Variants in PRR5L observed in about 807,000 individuals in gnomAD.
The protein encoded by PRR5L is proline rich 5 like, also known as proline-rich protein 5-like.
In PRR5L, 21 loss-of-function variants were observed where a neutral mutation model predicts 36.4. The ratio of observed to expected loss-of-function variants is 0.58; its 90% CI spans 0.41 to 0.83. The LOEUF is 0.83. Ranked by LOEUF, PRR5L falls within the 40% of genes least tolerant of loss-of-function variation. PRR5L has a pLI of 0.00. For missense variants in PRR5L, 381 were observed against 473.3 expected, an observed-to-expected ratio of 0.80 and a Z score of 1.81; for synonymous variants, 188 against 197.0, an observed-to-expected ratio of 0.95 and a Z score of 0.38.
chr11:36,354,990 T>G (rs1050417739), intron 1 of PRR5L, among the ~76,000 whole-genome samples: 2 of 152,208 alleles, frequency 1.3e-5, no homozygotes, highest in Non-Finnish European at 2.9e-5. Context: ...GAGAAAATGC[T>G]GCTTGGAGAT....
chr11:36,356,277 A>G (rs985273055), intron 1 of PRR5L, among the ~76,000 whole-genome samples: 2 of 152,148 alleles, frequency 1.3e-5, no homozygotes, highest in African/African-American at 4.8e-5. Context: ...CTAGTAGGGA[A>G]GCATGATCAT....
At chr11:36,451,164 G>T in intron 7 of PRR5L, 45 bp from the exon 8 acceptor site, 1 of 1,607,474 alleles carries the variant, frequency 6.2e-7, no homozygotes. Flanking sequence ...GCTGGTCATG[G>T]CAATGAACAC....
At chr11:36,417,711 CTTAA>C (rs1858176242) in intron 3 of PRR5L, among the ~76,000 whole-genome samples, 1 of 152,176 alleles carries the variant, frequency 6.6e-6, no homozygotes, top group Admixed American at 6.5e-5. Context: ...ATTCTTTTGT[CTTAA>C]TTTTATTGTG....
chr11:36,383,357 T>G (rs538667080), intron 1 of PRR5L, among the ~76,000 whole-genome samples: 3 of 152,334 alleles, frequency 2.0e-5, no homozygotes, highest in Non-Finnish European at 2.9e-5. Context: ...AGTCAACAGC[T>G]GTGTACATTT....
intron 1 of PRR5L, among the ~76,000 whole-genome samples, chr11:36,319,779 C>G (rs1590437595): frequency 6.6e-6 from 1 of 150,868 alleles, no homozygotes; most frequent in Admixed American, 6.6e-5. Flanking sequence ...AGGTTGTGGA[C>G]AATGGAAATC....
intron 1 of PRR5L, among the ~76,000 whole-genome samples, chr11:36,343,475 C>T (rs1856835695): frequency 6.6e-6 from 1 of 152,176 alleles, no homozygotes; most frequent in African/African-American, 2.4e-5. Context: ...CTTGGGGACC[C>T]TTTCATGCAA....
intron 1 of PRR5L, among the ~76,000 whole-genome samples, chr11:36,314,575 C>T: frequency 6.6e-6 from 1 of 152,218 alleles, no homozygotes; most frequent in East Asian, 1.9e-4. Context: ...GCCCTTTGCT[C>T]CATAGCAGCC....
chr11:36,350,226 TG>T (rs1240836801), intron 1 of PRR5L, among the ~76,000 whole-genome samples: 1 of 135,456 alleles, frequency 7.4e-6, no homozygotes, highest in Non-Finnish European at 1.6e-5. Context: ...TGGGTGTGTG[TG>T]GGGGGTATAA....
intron 3 of PRR5L, among the ~76,000 whole-genome samples, chr11:36,406,014 C>T (rs146018062): frequency 1.3e-5 from 2 of 152,156 alleles, no homozygotes; most frequent in African/African-American, 4.8e-5. Context: ...TGGGGGGACT[C>T]ATAGCAACAC....
chr11:36,433,589 GC>G (rs1376256436), intron 5 of PRR5L, among the ~76,000 whole-genome samples: 2 of 152,114 alleles, frequency 1.3e-5, no homozygotes, highest in Non-Finnish European at 2.9e-5. Flanking sequence ...CACTTCTGTG[GC>G]CCAGGCTGGA....
Position 36,418,535 on chromosome 11 carries a change from A to G in PRR5L, c.246-720A>G, listed in dbSNP as rs1048613168. ...ATTACTACTACCCGCGGTGGCTCAC[A>G]CCTGTAATCCCAGCACTTTGGGAGG... On this transcript the variant is annotated intron_variant, in intron 3 of 8. Transcript: ENST00000530639. Among the ~76,000 whole-genome samples the G allele has an allele frequency of 3.2e-4, 48 of 152,142 alleles. 1 individual carries two copies. Among genetic ancestry groups the G allele is most frequent in the Admixed American group, 2.8e-3 (43 of 15,266 alleles).
intron 3 of PRR5L, among the ~76,000 whole-genome samples, chr11:36,409,743 T>A (rs796652631): frequency 7.2e-5 from 11 of 152,312 alleles, no homozygotes; most frequent in African/African-American, 2.6e-4. Flanking sequence ...AGGTTCCAAG[T>A]GCTTCATATG....
intron 1 of PRR5L, among the ~76,000 whole-genome samples, chr11:36,367,057 T>C (rs925696151): frequency 6.6e-6 from 1 of 152,212 alleles, no homozygotes; most frequent in African/African-American, 2.4e-5. Flanking sequence ...ATGTTCCTTA[T>C]CTTGATTTTA....
chr11:36,459,284 A>C lies in PRR5L; in HGVS notation c.713-3058A>C, dbSNP rs116205649. On this transcript the variant is annotated intron_variant, in intron 8 of 8. Coordinates refer to ENST00000530639, the MANE Select transcript of PRR5L (RefSeq NM_001160167.2). ...GGACTTCTCTGGGACCAAGGGACCCAGCCTTGTCATGGTGCTTACTCTATT... is the reference window on the plus strand; with the variant it reads ...GGACTTCTCTGGGACCAAGGGACCCCGCCTTGTCATGGTGCTTACTCTATT... Among the ~76,000 whole-genome samples, 969 of 152,304 alleles carry C rather than the reference A, an allele frequency of 6.4e-3. 12 individuals carry two copies. Among genetic ancestry groups the C allele is most frequent in the African/African-American group, 0.022 (896 of 41,556 alleles).
chr11:36,390,036 TA>T (rs1857535647), intron 1 of PRR5L, among the ~76,000 whole-genome samples: 1 of 152,224 alleles, frequency 6.6e-6, no homozygotes, highest in Non-Finnish European at 1.5e-5. Context: ...CCTGGGGATG[TA>T]CCTGAGAACA....
At chr11:36,311,619 T>C (rs1462752515) in intron 1 of PRR5L, among the ~76,000 whole-genome samples, 1 of 152,212 alleles carries the variant, frequency 6.6e-6, no homozygotes, top group Non-Finnish European at 1.5e-5. Flanking sequence ...CTTTTTTTTC[T>C]GGGCTGAGGA....
At chr11:36,380,363 C>T (rs892759279) in intron 1 of PRR5L, among the ~76,000 whole-genome samples, 3 of 151,936 alleles carry the variant, frequency 2.0e-5, no homozygotes, top group Non-Finnish European at 2.9e-5. Flanking sequence ...GTGTCTCCAC[C>T]TCCCTCCCGA....
intron 3 of PRR5L, among the ~76,000 whole-genome samples, chr11:36,418,539 G>C (rs1285404794): frequency 6.6e-6 from 1 of 152,196 alleles, no homozygotes; most frequent in Non-Finnish European, 1.5e-5. Flanking sequence ...GCTCACACCT[G>C]TAATCCCAGC....
intron 1 of PRR5L, among the ~76,000 whole-genome samples, chr11:36,362,865 G>T (rs1432115659): frequency 6.6e-6 from 1 of 152,178 alleles, no homozygotes; most frequent in Admixed American, 6.5e-5. Flanking sequence ...GGTGGGGGCT[G>T]GGGGGTGGTG....
Sources: allele counts gnomAD v4.1 joint callset (sites outside exome capture counted in the v4.1 genomes callset), GRCh38; gene constraint gnomAD v4.1.1; transcripts MANE v1.5; gene names NCBI Gene and HGNC (gene_info 2026-07-23, HGNC 2026-07-21).